ATP2C2: variants seen among roughly 807,000 people sequenced by gnomAD.
ATP2C2 encodes ATPase secretory pathway Ca2+ transporting 2.
Under a neutral mutation model 110.8 loss-of-function variants are expected in ATP2C2, and 171 were observed. That is an observed-to-expected ratio of 1.54 (90% CI 1.36 to 1.75). The LOEUF (loss-of-function observed/expected upper bound fraction) is 1.75, where lower values mean the gene tolerates loss of function less well. ATP2C2 is among the 40% of genes most tolerant of loss of function. The probability of loss-of-function intolerance (pLI) is 0.00; values close to 1 mark genes in which losing one functional copy is unlikely to be tolerated. For missense variants in ATP2C2, 1,963 were observed against 1,235.0 expected, an observed-to-expected ratio of 1.59 and a Z score of -8.84; for synonymous variants, 804 against 508.4, an observed-to-expected ratio of 1.58 and a Z score of -7.82.
intron 24 of ATP2C2, chr16:84,461,007 T>G: frequency 1.4e-6 from 1 of 695,608 alleles, no homozygotes. Flanking sequence ...GCCAGGTGTG[T>G]GCCTGGGAAC....
intron 4 of ATP2C2, 85 bp downstream of exon 4, chr16:84,408,579 A>G: frequency 1.8e-6 from 2 of 1,129,378 alleles, no homozygotes; most frequent in South Asian, 1.3e-5. Context: ...TAAAGAAAAA[A>G]AAGAGTTTGC....
intron 4 of ATP2C2, 112 bp from the exon 5 acceptor site, chr16:84,410,456 T>G: frequency 7.8e-7 from 1 of 1,275,270 alleles, no homozygotes; most frequent in Non-Finnish European, 1.1e-6. Context: ...GTGCACATGT[T>G]TTGCAAGAAG....
intron 1 of ATP2C2, among the ~76,000 whole-genome samples, chr16:84,398,255 A>G (rs1905110585): frequency 6.6e-6 from 1 of 152,004 alleles, no homozygotes; most frequent in African/African-American, 2.4e-5. Context: ...TACCAAAAAA[A>G]TTTAGTGGGG....
intron 1 of ATP2C2, among the ~76,000 whole-genome samples, chr16:84,393,333 C>G (rs903082143): frequency 2.6e-5 from 4 of 152,140 alleles, no homozygotes; most frequent in African/African-American, 9.7e-5. Flanking sequence ...GTAGGAGTCT[C>G]CCAAATGCAG....
At chr16:84,423,739 T>C (rs1258023081) in intron 10 of ATP2C2, among the ~76,000 whole-genome samples, 1 of 152,220 alleles carries the variant, frequency 6.6e-6, no homozygotes, top group Non-Finnish European at 1.5e-5. Flanking sequence ...TTGACCATCT[T>C]TTATTGGCCA....
chr16:84,418,767 C>T (rs1351551154), intron 7 of ATP2C2, among the ~76,000 whole-genome samples: 3 of 152,182 alleles, frequency 2.0e-5, no homozygotes, highest in Admixed American at 6.5e-5. Context: ...CCTGGCACTG[C>T]CTCTCCCCCT....
At chr16:84,446,827 C>G (rs565334771) in intron 16 of ATP2C2, among the ~76,000 whole-genome samples, 3 of 152,308 alleles carry the variant, frequency 2.0e-5, no homozygotes, top group African/African-American at 7.2e-5. Flanking sequence ...GACTGAGGCC[C>G]TGCTGCTAAC....
Position 84,439,375 on chromosome 16 carries a change from C to G in ATP2C2, c.1112-52C>G, listed in dbSNP as rs1909034408. The G allele has an allele frequency of 1.6e-5, 25 of 1,608,842 alleles. No individual in the cohort carries two copies. The Admixed American group carries it at 3.7e-4, about 24-fold the overall frequency. On this transcript the variant is annotated intron_variant, in intron 12 of 26. Coordinates refer to ENST00000262429, the MANE Select transcript of ATP2C2 (RefSeq NM_014861.4). ...AGGGCAATCCAGCCTGGGGGTTTCA[C>G]AAGCCTGAGGATGGCAACTTCTCTT... is the stretch of plus-strand genomic sequence containing the variant.
At chr16:84,410,374 G>A (rs1004994467) in intron 4 of ATP2C2, among the ~76,000 whole-genome samples, 194 bp from the exon 5 acceptor site, 6 of 152,182 alleles carry the variant, frequency 3.9e-5, no homozygotes, top group African/African-American at 1.4e-4. Context: ...AAATGTGCAC[G>A]TCTGGGTGGT....
chr16:84,449,111 A>G (rs1403488131), intron 17 of ATP2C2, among the ~76,000 whole-genome samples: 1 of 148,702 alleles, frequency 6.7e-6, no homozygotes, highest in African/African-American at 2.5e-5. Flanking sequence ...GGCTGAACTG[A>G]ACATTAAATC....
intron 18 of ATP2C2, 109 bp downstream of exon 18, chr16:84,452,200 C>T (rs142796861): frequency 6.3e-5 from 85 of 1,343,274 alleles, no homozygotes; most frequent in Non-Finnish European, 8.0e-5. Flanking sequence ...AGTGCTCACG[C>T]CTAGCCCTAC....
chr16:84,375,510 C>A (rs898973327), intron 1 of ATP2C2, among the ~76,000 whole-genome samples: 3 of 146,462 alleles, frequency 2.0e-5, no homozygotes, highest in Non-Finnish European at 3.0e-5. Flanking sequence ...CCCTGCACTT[C>A]AGCCTGGGTG....
chr16:84,432,157 C>G (rs1396011140), intron 11 of ATP2C2, among the ~76,000 whole-genome samples: 1 of 152,218 alleles, frequency 6.6e-6, no homozygotes, highest in South Asian at 2.1e-4. Context: ...GGTGGTGTTT[C>G]GTTACGTGAA....
rs746112021 is a variant in ATP2C2 at position 84,448,497 on chromosome 16, A to G, written c.1504-36A>G. 4.4e-6 allele frequency: 7 copies of G among 1,586,172 alleles called. No individual in the cohort carries two copies. The Admixed American group carries it at 1.2e-4, about 27-fold the overall frequency. On this transcript the variant is annotated intron_variant, in intron 16 of 26. Transcript: ENST00000262429. ...ATGGTCAGTATGAACCAAGGCTTCC[A>G]GTGATAGTGGATTTCTTCCCTTTGT...
chr16:84,442,479 A>C, intron 14 of ATP2C2, 31 bp from the exon 15 acceptor site: 1 of 1,609,484 alleles, frequency 6.2e-7, no homozygotes, highest in East Asian at 2.2e-5. Flanking sequence ...GCCCAGTACT[A>C]ACTACAGATG....
intron 1 of ATP2C2, among the ~76,000 whole-genome samples, chr16:84,383,787 G>GTTTTT (rs58587781): frequency 3.0e-5 from 3 of 100,836 alleles, no homozygotes; most frequent in Admixed American, 1.3e-4. Context: ...GGTTTTGTTG[G>GTTTTT]TTTTTTTTTT....
chr16:84,454,644 G>A (rs1484249885), intron 20 of ATP2C2, among the ~76,000 whole-genome samples, 174 bp from the exon 21 acceptor site: 6 of 152,222 alleles, frequency 3.9e-5, no homozygotes, highest in Admixed American at 3.3e-4. Flanking sequence ...GGAAACTGAG[G>A]TCAAGAGGGT....
intron 11 of ATP2C2, among the ~76,000 whole-genome samples, chr16:84,426,666 C>T (rs2150550497): frequency 6.6e-6 from 1 of 152,236 alleles, no homozygotes; most frequent in African/African-American, 2.4e-5. Flanking sequence ...TTAGTCTGTG[C>T]AAGCACCCAC....
rs538640416 is a variant in ATP2C2, at chr16:84,388,429, T to C, written c.100-10070T>C. On this transcript the variant is annotated intron_variant, in intron 1 of 26. Transcript: ENST00000262429. ...ACTGTCTGCCCACCCCTAGGGCTTC[T>C]GAGGTAGTAGGCCCAGGGTAGGGCC... Among the ~76,000 whole-genome samples the C allele has an allele frequency of 3.0e-3, 452 of 152,354 alleles. 1 individual carries two copies. The highest frequency in any genetic ancestry group is 0.01 in the African/African-American group (430 of 41,590).
Sources: allele counts gnomAD v4.1 joint callset (sites outside exome capture counted in the v4.1 genomes callset), GRCh38; gene constraint gnomAD v4.1.1; transcripts MANE v1.5; gene names NCBI Gene and HGNC (gene_info 2026-07-23, HGNC 2026-07-21).